The following MYRF variants were observed in gnomAD, a reference collection of about 807,000 sequenced individuals.
MYRF encodes the protein myelin gene regulatory factor.
A neutral mutation model predicts 126.3 loss-of-function variants in MYRF; 16 were observed. The observed-to-expected ratio is 0.13, with a 90% confidence interval of 0.09 to 0.19. The LOEUF is 0.19. Ranked by LOEUF, MYRF falls within the 10% of genes least tolerant of loss-of-function variation. The pLI is 1.00. For synonymous variants in MYRF, 608 were observed against 635.3 expected, an observed-to-expected ratio of 0.96 and a Z score of 0.65; for missense variants, 1,104 against 1,547.0, an observed-to-expected ratio of 0.71 and a Z score of 4.80.
rs765220938 is a variant in MYRF, at chr11:61,781,289, T to C, written c.2724T>C (p.His908=). Residue 908 remains histidine, a synonymous_variant, in exon 21 of 27, where the codon CAT becomes CAC. Transcript: ENST00000278836. ...PSLGPSFNPG[H]VLSPSPSPST... ...TTGGCCCCAGCTTTAACCCTGGCCA[T>C]GTTCTCAGCCCAAGTCCCAGCCCCA... is the stretch of plus-strand genomic sequence containing the variant. 5.6e-6 allele frequency: 9 copies of C among 1,613,990 alleles called. No individual in the cohort carries two copies. Among genetic ancestry groups the C allele is most frequent in the Non-Finnish European group, 2.5e-6 (3 of 1,180,024 alleles).
Position 61,783,757 on chromosome 11 carries a change from G to A in MYRF, c.3120-94G>A. 1 of 1,401,296 alleles carries A rather than the reference G, an allele frequency of 7.1e-7. No individual in the cohort carries two copies. Among genetic ancestry groups the A allele is most frequent in the Non-Finnish European group, 9.9e-7 (1 of 1,013,212 alleles). 86.8% of individuals were successfully genotyped at this position (1,401,296 alleles called of 1,614,324 possible). ...ACCCTTGGACACTGTCTCTTCTGGA[G>A]GGCTCCAGTACAGATTGGGGGCTGA... On this transcript the variant is annotated intron_variant, in intron 23 of 26. Coordinates refer to ENST00000278836, the MANE Select transcript of MYRF (RefSeq NM_001127392.3). This position sits in a 1 kb window ranked among gnomAD's most constrained non-coding sequence, Gnocchi z 4.6.
chr11:61,781,180 G>A lies in MYRF; in HGVS notation c.2615G>A (p.Arg872His), dbSNP rs371490204. The change falls in exon 21 of 27, where the codon CGC (arginine) becomes CAC (histidine). Residue 872 changes from arginine (R) to histidine (H), a missense_variant. Coordinates refer to ENST00000278836, the MANE Select transcript of MYRF (RefSeq NM_001127392.3). ...AGCTCGGCCCCAGGTTCTGCTGTCCGCACCTTGGACATGTGTTCCAGCCAC... is the reference window on the plus strand; with the variant it reads ...AGCTCGGCCCCAGGTTCTGCTGTCCACACCTTGGACATGTGTTCCAGCCAC... ...LTSSAPGSAV[R>H]TLDMCSSHPC... 1.7e-5 allele frequency: 28 copies of A among 1,613,830 alleles called. No individual in the cohort carries two copies. The East Asian group carries it at 3.3e-4, about 19-fold the overall frequency.
intron 1 of MYRF, among the ~76,000 whole-genome samples, chr11:61,765,275 A>T (rs1249570627): frequency 6.6e-6 from 1 of 152,238 alleles, no homozygotes; most frequent in Non-Finnish European, 1.5e-5. Context: ...ACAGAGGCAC[A>T]GTGACCCCAT....
chr11:61,784,695 G>A, intron 25 of MYRF: 1 of 296,420 alleles, frequency 3.4e-6, no homozygotes, highest in Non-Finnish European at 6.4e-6. Flanking sequence ...GCCCATGGCG[G>A]GGAGGGCTGT....
intron 1 of MYRF, chr11:61,755,307 C>A: frequency 4.1e-6 from 6 of 1,480,326 alleles, no homozygotes; most frequent in Non-Finnish European, 5.5e-6. Context: ...ACAGAGCGGC[C>A]CCCTCGAGGC....
At position 61,778,049 on chromosome 11, in the gene MYRF, T is replaced by C. The variant is rs1427511024; in HGVS notation, c.1903+204T>C. On this transcript the variant is annotated intron_variant, in intron 13 of 26. Transcript: ENST00000278836. The surrounding 1 kb of genome is among the most constrained non-coding windows in gnomAD (Gnocchi z 4.6). The stretch of plus-strand genomic sequence containing the variant: ...CCCCGGAACCTCGCCCCATTGTCAG[T>C]GGAAATCTGAGAATCACGGCCCAGG... 2.0e-5 allele frequency among the ~76,000 whole-genome samples: 3 copies of C among 152,092 alleles called. No homozygotes were observed. The highest frequency in any genetic ancestry group is 7.2e-5 in the African/African-American group (3 of 41,396).
At position 61,780,321 on chromosome 11, in the gene MYRF, A is replaced by G. The variant is rs1446300798; in HGVS notation, c.2405+31A>G. The G allele has an allele frequency of 2.5e-6, 4 of 1,596,980 alleles. No homozygotes were observed. The Admixed American group carries it at 6.8e-5, about 27-fold the overall frequency. Reference sequence around the variant, plus strand: ...TTCCTGGAGGCCAAGCCAAGCTGCCAGGCCAGGTGGGGCTTTGGTGGGCAG... The same window carrying G: ...TTCCTGGAGGCCAAGCCAAGCTGCCGGGCCAGGTGGGGCTTTGGTGGGCAG... On this transcript the variant is annotated intron_variant, in intron 18 of 26. Transcript: ENST00000278836.
rs545270488 is a variant in MYRF at position 61,777,823 on chromosome 11, C to G, written c.1881C>G (p.Ile627Met). Residue 627 changes from isoleucine (I) to methionine (M), a missense_variant, in exon 13 of 27, where the codon ATC (isoleucine) becomes ATG (methionine). By Grantham distance (10) the Ile-to-Met change is conservative (BLOSUM62 1). Coordinates refer to ENST00000278836, the MANE Select transcript of MYRF (RefSeq NM_001127392.3). The surrounding 1 kb of genome is among the most constrained non-coding windows in gnomAD (Gnocchi z 8.8). ...CCGAGTTCGCCGCCAGCGCGGGCAT[C>G]GAGGCCACCGCGCCAGAGACAGGTA... ...YKPEFAASAGIEATAPETGVI... is the reference protein window; with the variant it reads ...YKPEFAASAGMEATAPETGVI... 6.4e-7 allele frequency: 1 copy of G among 1,552,222 alleles called. No individual in the cohort carries two copies. Among genetic ancestry groups the G allele is most frequent in the South Asian group, 1.2e-5 (1 of 84,110 alleles).
chr11:61,761,710 C>A (rs1338554271), intron 1 of MYRF, among the ~76,000 whole-genome samples: 2 of 152,252 alleles, frequency 1.3e-5, no homozygotes, highest in African/African-American at 4.8e-5. Context: ...CCCAGAGAGA[C>A]AGAACAGGGC....
chr11:61,766,394 TC>T (rs2066062533), intron 3 of MYRF, 173 bp downstream of exon 3: 1 of 648,550 alleles, frequency 1.5e-6, no homozygotes, highest in Non-Finnish European at 2.5e-6. Flanking sequence ...AAGGGGGGAC[TC>T]CTGGGCTTTG....
In MYRF at chr11:61,777,530, C is replaced by T; in HGVS notation, c.1791+66C>T. ...GGAGCGGGCCGCGGGGGCGGGGCTC[C>T]TGGGGAGGGGGCGTGACTACGCGGA... On this transcript the variant is annotated intron_variant, in intron 12 of 26. Coordinates refer to ENST00000278836, the MANE Select transcript of MYRF (RefSeq NM_001127392.3). The surrounding 1 kb of genome is among the most constrained non-coding windows in gnomAD (Gnocchi z 8.8). 2.0e-6 allele frequency: 3 copies of T among 1,467,838 alleles called. No individual in the cohort carries two copies. Among genetic ancestry groups the T allele is most frequent in the Non-Finnish European group, 2.8e-6 (3 of 1,081,080 alleles). 90.9% of individuals were successfully genotyped at this position (1,467,838 alleles called of 1,614,324 possible).
chr11:61,753,690 A>C (rs1047118925), intron 1 of MYRF, among the ~76,000 whole-genome samples: 2 of 151,180 alleles, frequency 1.3e-5, no homozygotes, highest in African/African-American at 4.9e-5. Flanking sequence ...TGGAATTGAC[A>C]TACACCCCAT....
chr11:61,772,104 A>C, intron 7 of MYRF, 152 bp downstream of exon 7: 1 of 1,192,444 alleles, frequency 8.4e-7, no homozygotes, highest in Non-Finnish European at 1.1e-6. Flanking sequence ...ACTGGCAGTC[A>C]GGGCTCCTGA....
In MYRF at chr11:61,777,774, G is replaced by A. The variant is rs1193653730; in HGVS notation, c.1832G>A (p.Arg611Gln). The change falls in exon 13 of 27, where the codon CGG becomes CAG. Residue 611 changes from arginine (R) to glutamine (Q), a missense_variant. Transcript: ENST00000278836. The surrounding 1 kb of genome is among the most constrained non-coding windows in gnomAD (Gnocchi z 8.8). ...TEQLKRISRM[R>Q]LVHYRYKPEF... ...CAATTGAAGAGGATCTCGCGCATGC[G>A]GCTGGTGCACTACAGATACAAGCCC... is the stretch of plus-strand genomic sequence containing the variant. The A allele has an allele frequency of 1.3e-6, 2 of 1,551,974 alleles. No homozygotes were observed. Among genetic ancestry groups the A allele is most frequent in the Non-Finnish European group, 1.7e-6 (2 of 1,147,292 alleles).
rs368343019 is a variant in MYRF at position 61,774,169 on chromosome 11, T to C, written c.1311+7T>C. The C allele has an allele frequency of 1.3e-6, 2 of 1,591,882 alleles. No individual in the cohort carries two copies. Among genetic ancestry groups the C allele is most frequent in the African/African-American group, 2.7e-5 (2 of 74,244 alleles). ...GAAGCTGCACGGAGTGAAGGCAAGT[T>C]TGGGGCTCAGCAAGGAAGGGAGGGC... On this transcript the variant is annotated splice_region_variant and intron_variant, in intron 8 of 26. Coordinates refer to ENST00000278836, the MANE Select transcript of MYRF (RefSeq NM_001127392.3).
intron 1 of MYRF, among the ~76,000 whole-genome samples, chr11:61,753,000 C>T (rs999895565): frequency 6.6e-6 from 1 of 152,014 alleles, no homozygotes; most frequent in Non-Finnish European, 1.5e-5. Context: ...TCCCCCTCCC[C>T]GCTCCTCAAC....
rs756587603 is a variant in MYRF at position 61,777,486 on chromosome 11, C to G, written c.1791+22C>G. 2 of 1,575,792 alleles carry G rather than the reference C, an allele frequency of 1.3e-6. No homozygotes were observed. The highest frequency in any genetic ancestry group is 3.7e-5 in the Admixed American group (2 of 54,610). On this transcript the variant is annotated intron_variant, in intron 12 of 26. Transcript: ENST00000278836. The surrounding 1 kb of genome is among the most constrained non-coding windows in gnomAD (Gnocchi z 8.8). ...GGAGGTGGGGACAGGGCTGTGGGGGCCGGGCGGGTCCAGACGCTGGAGCGG... is the reference window on the plus strand; with the variant it reads ...GGAGGTGGGGACAGGGCTGTGGGGGGCGGGCGGGTCCAGACGCTGGAGCGG...
At chr11:61,758,677 C>A (rs560981913) in intron 1 of MYRF, among the ~76,000 whole-genome samples, 1 of 152,312 alleles carries the variant, frequency 6.6e-6, no homozygotes, top group Admixed American at 6.5e-5. Context: ...ATGCTCGTAC[C>A]TCAGGGCTTT....
chr11:61,770,881 T>C (rs2066199686), intron 5 of MYRF, among the ~76,000 whole-genome samples: 3 of 152,304 alleles, frequency 2.0e-5, no homozygotes, highest in African/African-American at 4.8e-5. Context: ...AGCTGTCTCA[T>C]GGAACCCTCA....
Sources: gnomAD v4.1 joint callset for allele counts (sites outside exome capture counted in the v4.1 genomes callset) on GRCh38, gnomAD v4.1.1 for gene constraint, Gnocchi (gnomAD v3.1) non-coding constraint, MANE v1.5 for transcripts, NCBI Gene and HGNC (gene_info 2026-07-23, HGNC 2026-07-21) for gene names.